Variants in CHI3L2 observed in about 807,000 individuals in gnomAD.
CHI3L2 encodes the protein chitinase 3 like 2.
Under a neutral mutation model 47.3 loss-of-function variants are expected in CHI3L2, and 47 were observed. The observed-to-expected ratio is 0.99, with a 90% CI of 0.79 to 1.27. The LOEUF is 1.27. Among genes scored for constraint, CHI3L2 ranks in the 50% most tolerant of loss-of-function variants. CHI3L2 has a pLI of 0.00. For synonymous variants in CHI3L2, 198 were observed against 169.9 expected (o/e 1.17, Z -1.28); for missense variants, 497 against 462.1 (o/e 1.08, Z -0.69).
At chr1:111,242,886 C>T (rs1297511804) in intron 10 of CHI3L2, among the ~76,000 whole-genome samples, 2 of 152,162 alleles carry the variant, frequency 1.3e-5, no homozygotes, top group African/African-American at 4.8e-5. Flanking sequence ...AGGTCGGTGG[C>T]TTTGCTGCTG....
chr1:111,233,857 T>C (rs889799172), intron 4 of CHI3L2, among the ~76,000 whole-genome samples: 8 of 152,164 alleles, frequency 5.3e-5, no homozygotes, highest in African/African-American at 1.7e-4. Context: ...AGAAAAATTC[T>C]TCTGCCTTGG....
At chr1:111,242,438 T>A (rs1660090508) in intron 10 of CHI3L2, 72 bp downstream of exon 10, 3 of 1,461,378 alleles carry the variant, frequency 2.1e-6, no homozygotes, top group African/African-American at 1.4e-5. Flanking sequence ...CTGGGGGAGA[T>A]CATCTTCACA....
rs145589851 is a variant in CHI3L2 at position 111,234,890 on chromosome 1, G to A, written c.330-17G>A. On this transcript the variant is annotated splice_polypyrimidine_tract_variant and intron_variant, in intron 4 of 10. Transcript: ENST00000369748. ...ACTTGTTCTTTCCAAAAAGACACTC[G>A]TATTGCTTCTTTCCAGGTTCCACCC... is the stretch of plus-strand genomic sequence containing the variant. The A allele has an allele frequency of 2.7e-3, 4,333 of 1,612,638 alleles. 9 individuals are homozygous for A. Among genetic ancestry groups the A allele is most frequent in the Admixed American group, 3.6e-3 (218 of 59,882 alleles).
chr1:111,229,973 T>C, intron 2 of CHI3L2, 92 bp downstream of exon 2: 1 of 1,399,898 alleles, frequency 7.1e-7, no homozygotes. Flanking sequence ...ACATGCTTTT[T>C]CTCTTGATTA....
rs1438106735 is a variant in CHI3L2, at chr1:111,239,072, C to CTTAGGAGTTAGGAGTTAGGA, written c.918+140_918+141insTTAGGAGTTAGGAGTTAGGA. 8.7e-6 allele frequency: 7 copies of CTTAGGAGTTAGGAGTTAGGA among 804,970 alleles called. No homozygotes were observed. The African/African-American group carries it at 1.1e-4, about 12-fold the overall frequency. The allele number at this position is 804,970 out of a possible 1,614,324, so 49.9% of individuals were successfully genotyped here. ...TACTACTGAACATGTGAGGGGATCTCCTAACTCTGGGTTGGGAGAGGGTCA... is the reference window on the plus strand; with the variant it reads ...TACTACTGAACATGTGAGGGGATCTCTTAGGAGTTAGGAGTTAGGACTAACTCTGGGTTGGGAGAGGGTCA... On this transcript the variant is annotated intron_variant, in intron 8 of 10. Coordinates refer to ENST00000369748, the MANE Select transcript of CHI3L2 (RefSeq NM_004000.3).
At chr1:111,242,586 C>T (rs1053369067) in intron 10 of CHI3L2, 12 of 386,194 alleles carry the variant, frequency 3.1e-5, no homozygotes, top group Non-Finnish European at 5.4e-5. Context: ...TTTTGGCTAC[C>T]ATTTATTGAG....
chr1:111,242,482 C>A, intron 10 of CHI3L2, 116 bp downstream of exon 10: 1 of 1,170,920 alleles, frequency 8.5e-7, no homozygotes, highest in African/African-American at 1.6e-5. Context: ...GCTCCTTTGG[C>A]TCTTCTGCCA....
intron 7 of CHI3L2, among the ~76,000 whole-genome samples, chr1:111,236,705 AC>A (rs1275068795): frequency 3.9e-5 from 6 of 152,290 alleles, no homozygotes; most frequent in South Asian, 2.1e-4. Context: ...TAACTTATCC[AC>A]CCAATGGGTT....
At chr1:111,241,278 T>G (rs1660045752) in intron 8 of CHI3L2, 49 bp from the exon 9 acceptor site, 1 of 1,041,454 alleles carries the variant, frequency 9.6e-7, no homozygotes, top group African/African-American at 1.5e-5. Context: ...CCAACCAAGT[T>G]TCAAGAATAA....
At chr1:111,231,330 A>C in intron 4 of CHI3L2, 36 bp downstream of exon 4, 1 of 1,475,018 alleles carries the variant, frequency 6.8e-7, no homozygotes, top group Non-Finnish European at 9.4e-7. Flanking sequence ...TCATTTCCCC[A>C]TGTAATTTTT....
Position 111,227,781 on chromosome 1 carries a change from G to T in CHI3L2, c.40+12G>T, listed in dbSNP as rs756757885. ...GTCTCTCTGGGCAGGTGAGCATGGG[G>T]TTGATAATTCAGCAGGAAATTTGGT... On this transcript the variant is annotated intron_variant, in intron 1 of 10. Coordinates refer to ENST00000369748, the MANE Select transcript of CHI3L2 (RefSeq NM_004000.3). 1.2e-5 allele frequency: 19 copies of T among 1,613,900 alleles called. No homozygotes were observed. Among genetic ancestry groups the T allele is most frequent in the Non-Finnish European group, 1.6e-5 (19 of 1,179,734 alleles).
At position 111,242,260 on chromosome 1, in the gene CHI3L2, G is replaced by C; in HGVS notation, c.1069G>C (p.Ala357Pro). 6.2e-7 allele frequency: 1 copy of C among 1,614,146 alleles called. No homozygotes were observed. Among genetic ancestry groups the C allele is most frequent in the Non-Finnish European group, 8.5e-7 (1 of 1,180,002 alleles). Residue 357 changes from alanine to proline, a missense_variant, in exon 10 of 11, where the codon GCC becomes CCC. Coordinates refer to ENST00000369748, the MANE Select transcript of CHI3L2 (RefSeq NM_004000.3). ...QFLKNLNLGG[A>P]MIWSIDMDDF... The stretch of plus-strand genomic sequence containing the variant: ...CTTAAAGAATTTAAACCTGGGAGGA[G>C]CCATGATCTGGTCTATTGACATGGA...
intron 7 of CHI3L2, among the ~76,000 whole-genome samples, chr1:111,236,840 C>A (rs1363413360): frequency 6.6e-6 from 1 of 152,056 alleles, no homozygotes; most frequent in Non-Finnish European, 1.5e-5. Flanking sequence ...CCTGGAAATT[C>A]AGGGATCAGG....
chr1:111,231,400 T>C (rs1316291977), intron 4 of CHI3L2, 106 bp downstream of exon 4: 3 of 870,726 alleles, frequency 3.4e-6, no homozygotes, highest in Admixed American at 2.4e-5. Flanking sequence ...TAAGAGGTTT[T>C]CCCTTGGCCA....
At chr1:111,243,058 G>C (rs1352579284) in intron 10 of CHI3L2, among the ~76,000 whole-genome samples, 159 bp from the exon 11 acceptor site, 1 of 152,192 alleles carries the variant, frequency 6.6e-6, no homozygotes. Context: ...CTAAAAGACT[G>C]GCTCTGCTAT....
chr1:111,242,216 GTC>G lies in CHI3L2; in HGVS notation c.1036-8_1036-7del. 6.2e-7 allele frequency: 1 copy of G among 1,614,056 alleles called. No individual in the cohort carries two copies. Among genetic ancestry groups the G allele is most frequent in the Non-Finnish European group, 8.5e-7 (1 of 1,179,938 alleles). On this transcript the variant is annotated splice_polypyrimidine_tract_variant and intron_variant, in intron 9 of 10. Coordinates refer to ENST00000369748, the MANE Select transcript of CHI3L2 (RefSeq NM_004000.3). ...TTCGAATCTCTGTGTATCCTTCTGT[GTC>G]TCCCATAGGTTCAGTTCTTAAAGAA... is the stretch of plus-strand genomic sequence containing the variant.
intron 7 of CHI3L2, among the ~76,000 whole-genome samples, chr1:111,236,964 T>G (rs1324220547): frequency 2.0e-5 from 3 of 152,198 alleles, no homozygotes; most frequent in African/African-American, 7.2e-5. Context: ...TCTTTTGCTC[T>G]TGTTTGGGAT....
chr1:111,230,671 G>A (rs116235556), intron 2 of CHI3L2, 71 bp from the exon 3 acceptor site: 25,722 of 1,312,272 alleles, frequency 0.02, 328 homozygotes, highest in Non-Finnish European at 0.023. Context: ...GTCTTGGGGA[G>A]AAAATTGTGA....
chr1:111,238,842 C>A lies in CHI3L2; in HGVS notation c.828C>A (p.Ala276=). 1 of 1,613,892 alleles carries A rather than the reference C, an allele frequency of 6.2e-7. No homozygotes were observed. Among genetic ancestry groups the A allele is most frequent in the Non-Finnish European group, 8.5e-7 (1 of 1,179,898 alleles). Residue 276 remains alanine (A), a synonymous_variant, in exon 8 of 11, where the codon GCC becomes GCA. Coordinates refer to ENST00000369748, the MANE Select transcript of CHI3L2 (RefSeq NM_004000.3). ...CATATGGGCACTCCTTCACACTGGC[C>A]TCTGCAGAAACCACCGTGGGGGCCC... ...IPTYGHSFTL[A]SAETTVGAPA...
Sources: allele counts gnomAD v4.1 joint callset (sites outside exome capture counted in the v4.1 genomes callset), GRCh38; gene constraint gnomAD v4.1.1; transcripts MANE v1.5; gene names NCBI Gene and HGNC (gene_info 2026-07-23, HGNC 2026-07-21).